AFF3: variants seen among roughly 807,000 people sequenced by gnomAD.
The protein encoded by AFF3 is AF4/FMR2 family member 3.
Under a neutral mutation model 129.7 loss-of-function variants are expected in AFF3, and 32 were observed. That is an observed-to-expected ratio of 0.25 (90% CI 0.19 to 0.33). The LOEUF (loss-of-function observed/expected upper bound fraction) is 0.33, where lower values mean the gene tolerates loss of function less well. AFF3 is among the 10% of genes least tolerant of loss of function. The pLI, the probability that AFF3 is intolerant of heterozygous loss-of-function variation, is 1.00. For missense variants in AFF3, 1,373 were observed against 1,592.0 expected (o/e 0.86, Z 2.34); for synonymous variants, 644 against 635.4 (o/e 1.01, Z -0.20).
intron 8 of AFF3, among the ~76,000 whole-genome samples, chr2:99,815,557 T>C (rs1687156857): frequency 7.5e-6 from 1 of 132,782 alleles, no homozygotes; most frequent in Non-Finnish European, 1.7e-5. Flanking sequence ...TCTGACTATA[T>C]CATATTCCTT....
intron 13 of AFF3, among the ~76,000 whole-genome samples, chr2:99,612,949 T>A (rs1285541266): frequency 1.3e-5 from 2 of 152,258 alleles, no homozygotes; most frequent in Non-Finnish European, 2.9e-5. Flanking sequence ...GGAAGGATAT[T>A]CAAATGTTAA....
chr2:99,944,765 A>G (rs1226674530), intron 7 of AFF3, among the ~76,000 whole-genome samples: 1 of 152,194 alleles, frequency 6.6e-6, no homozygotes, highest in African/African-American at 2.4e-5. Flanking sequence ...CTCTAGCCAG[A>G]GTGATATATA....
intron 4 of AFF3, among the ~76,000 whole-genome samples, chr2:100,079,789 C>T (rs1688894055): frequency 6.6e-6 from 1 of 152,154 alleles, no homozygotes; most frequent in Non-Finnish European, 1.5e-5. Flanking sequence ...TTATTTTTCT[C>T]AGGGTACAAG....
rs144908983 is a variant in AFF3, at chr2:99,560,863, C to T, written c.3120-427G>A. 2.7e-3 allele frequency among the ~76,000 whole-genome samples: 415 copies of T among 152,266 alleles called. 1 individual carries two copies. The highest frequency in any genetic ancestry group is 9.7e-3 in the African/African-American group (404 of 41,544). ...TATGCAGAGGAATGCTTAGATTTAC[C>T]CCTCTTTCTTTGTTATGTAACTTTT... is the stretch of plus-strand genomic sequence containing the variant. On this transcript the variant is annotated intron_variant, in intron 20 of 24. Transcript: ENST00000672756.
In AFF3 at chr2:99,554,746, A is replaced by C. The variant is rs1211820287; in HGVS notation, c.3286-14T>G. ...TTTAGATGAGTTCTGCAAGAAAATA[A>C]AAACACTGACAGTGAGTGCCATCTG... On this transcript the variant is annotated splice_polypyrimidine_tract_variant and intron_variant, in intron 22 of 24. Coordinates refer to ENST00000672756, the MANE Select transcript of AFF3 (RefSeq NM_001386135.1). The C allele has an allele frequency of 5.0e-6, 8 of 1,614,182 alleles. No individual in the cohort carries two copies. In the African/African-American group the frequency reaches 9.3e-5, roughly 19 times the overall value.
intron 11 of AFF3, among the ~76,000 whole-genome samples, chr2:99,720,282 T>A (rs911667634): frequency 1.3e-5 from 2 of 152,138 alleles, no homozygotes; most frequent in South Asian, 4.1e-4. Context: ...CATGGATGCC[T>A]CATAAACAGA....
intron 7 of AFF3, among the ~76,000 whole-genome samples, chr2:99,911,122 T>C (rs1193829380): frequency 6.6e-6 from 1 of 152,244 alleles, no homozygotes; most frequent in African/African-American, 2.4e-5. Context: ...GTGGGCTTCC[T>C]GGGGCGGAGC....
At chr2:99,596,890 C>CT (rs796786465) in intron 14 of AFF3, among the ~76,000 whole-genome samples, 6 of 152,170 alleles carry the variant, frequency 3.9e-5, no homozygotes, top group African/African-American at 9.6e-5. Context: ...CTAAATCATA[C>CT]TTTTTTTTCC....
At chr2:100,005,418 C>A (rs113698316) in intron 7 of AFF3, among the ~76,000 whole-genome samples, 13 of 152,300 alleles carry the variant, frequency 8.5e-5, no homozygotes, top group African/African-American at 3.1e-4. Context: ...TCAGTCACCA[C>A]TGCTCAAAGA....
intron 7 of AFF3, among the ~76,000 whole-genome samples, chr2:99,860,182 T>C (rs929905934): frequency 6.6e-6 from 1 of 152,088 alleles, no homozygotes; most frequent in Admixed American, 6.6e-5. Context: ...TCTGGGAGGC[T>C]GAGGCGGGAG....
intron 7 of AFF3, among the ~76,000 whole-genome samples, chr2:99,985,330 G>A (rs1679766184): frequency 1.3e-5 from 2 of 152,254 alleles, no homozygotes; most frequent in African/African-American, 4.8e-5. Flanking sequence ...GCAATGGACT[G>A]CCATGAACAT....
At chr2:99,631,114 C>T (rs780723474) in intron 13 of AFF3, 5 of 292,778 alleles carry the variant, frequency 1.7e-5, no homozygotes, top group Middle Eastern at 7.4e-4. Flanking sequence ...AGTGCCTGGA[C>T]GTGTGATCCT....
chr2:99,637,996 CT>C (rs1308167486), intron 13 of AFF3, among the ~76,000 whole-genome samples: 1 of 151,976 alleles, frequency 6.6e-6, no homozygotes, highest in Non-Finnish European at 1.5e-5. Context: ...TATTTTACCC[CT>C]GGTAACTTAA....
intron 8 of AFF3, 72 bp downstream of exon 8, chr2:99,837,405 A>G (rs912542062): frequency 7.0e-7 from 1 of 1,431,478 alleles, no homozygotes; most frequent in African/African-American, 1.4e-5. Flanking sequence ...TTTATCATGG[A>G]GCCGCAGGTT....
chr2:99,656,303 T>C (rs188794033), intron 12 of AFF3, among the ~76,000 whole-genome samples: 124 of 152,358 alleles, frequency 8.1e-4, no homozygotes, highest in Non-Finnish European at 1.0e-4. Flanking sequence ...GTTTTCATTA[T>C]GGATGTCAGT....
At chr2:99,817,950 C>G (rs911435133) in intron 8 of AFF3, among the ~76,000 whole-genome samples, 9 of 152,130 alleles carry the variant, frequency 5.9e-5, no homozygotes, top group African/African-American at 1.9e-4. Flanking sequence ...ATTTTAGATG[C>G]CTTTGCCTTC....
intron 7 of AFF3, among the ~76,000 whole-genome samples, chr2:99,920,632 T>G (rs1695794673): frequency 6.6e-6 from 1 of 151,990 alleles, no homozygotes; most frequent in African/African-American, 2.4e-5. Context: ...TCCCTTAGGT[T>G]GGGAAGACAA....
intron 4 of AFF3, among the ~76,000 whole-genome samples, chr2:100,052,626 G>A (rs1686434582): frequency 6.6e-6 from 1 of 152,148 alleles, no homozygotes; most frequent in African/African-American, 2.4e-5. Context: ...CAGAGGAACT[G>A]CTCCACAGGA....
At chr2:99,639,358 C>G (rs1683974187) in intron 13 of AFF3, among the ~76,000 whole-genome samples, 1 of 152,138 alleles carries the variant, frequency 6.6e-6, no homozygotes, top group African/African-American at 2.4e-5. Context: ...CTAACAGCCA[C>G]CAAAGGGCTG....
Sources: gnomAD v4.1 joint callset for allele counts (sites outside exome capture counted in the v4.1 genomes callset) on GRCh38, gnomAD v4.1.1 for gene constraint, MANE v1.5 for transcripts, NCBI Gene and HGNC (gene_info 2026-07-23, HGNC 2026-07-21) for gene names.